Variants in RASGRP2 observed in about 807,000 individuals in gnomAD.
The protein encoded by RASGRP2 is RAS guanyl-releasing protein 2.
In RASGRP2, 44 loss-of-function variants were observed where a neutral mutation model predicts 71.0. The observed-to-expected ratio is 0.62, with a 90% confidence interval of 0.49 to 0.80. The LOEUF is 0.80. RASGRP2 is among the 30% of genes least tolerant of loss of function. RASGRP2 has a pLI of 0.00. For missense variants in RASGRP2, 663 were observed against 813.4 expected, an observed-to-expected ratio of 0.82 and a Z score of 2.25; for synonymous variants, 350 against 330.7, an observed-to-expected ratio of 1.06 and a Z score of -0.63.
At chr11:64,728,443 T>C (rs980180725) in intron 15 of RASGRP2, among the ~76,000 whole-genome samples, 2 of 151,978 alleles carry the variant, frequency 1.3e-5, no homozygotes, top group Non-Finnish European at 1.5e-5. Flanking sequence ...TTTTTTTTTT[T>C]CTGAGACGGA....
In RASGRP2 at chr11:64,740,239, AT is replaced by A. The variant is rs756876562; in HGVS notation, c.372-77del. 20 of 1,577,296 alleles carry A rather than the reference AT, an allele frequency of 1.3e-5. No individual in the cohort carries two copies. The African/African-American group carries it at 2.6e-4, about 20-fold the overall frequency. ...GGCCCCCCACTCACACAGACACACC[AT>A]TCACGCTTACTGAGAACCTACATAA... On this transcript the variant is annotated intron_variant, in intron 5 of 16. Coordinates refer to ENST00000394432, the MANE Select transcript of RASGRP2 (RefSeq NM_001098671.2).
intron 8 of RASGRP2, among the ~76,000 whole-genome samples, chr11:64,738,078 G>A (rs967144935): frequency 2.6e-5 from 4 of 151,958 alleles, no homozygotes; most frequent in Non-Finnish European, 5.9e-5. Flanking sequence ...TGGGGTAGAC[G>A]TACAATAAAA....
At chr11:64,741,377 C>T in intron 4 of RASGRP2, 62 bp downstream of exon 4, 1 of 1,472,458 alleles carries the variant, frequency 6.8e-7, no homozygotes, top group Non-Finnish European at 9.3e-7. Context: ...TCCTCCAGGC[C>T]AGCCTGAAGC....
intron 5 of RASGRP2, chr11:64,740,421 G>A (rs978636969): frequency 1.2e-5 from 8 of 666,808 alleles, no homozygotes; most frequent in African/African-American, 7.1e-5. Context: ...GTAAGACACG[G>A]TTCCTGCCCT....
rs1389186503 is a variant in RASGRP2 at position 64,728,194 on chromosome 11, CT to C, written c.1771+668del. 2.6e-5 allele frequency among the ~76,000 whole-genome samples: 4 copies of C among 152,210 alleles called. No individual in the cohort carries two copies. In the East Asian group the frequency reaches 7.7e-4, roughly 29 times the overall value. On this transcript the variant is annotated intron_variant, in intron 15 of 16. Coordinates refer to ENST00000394432, the MANE Select transcript of RASGRP2 (RefSeq NM_001098671.2). ...GCCAGGACATTATCAGGGCAAGGGA[CT>C]TTCCCCAGAAGAGCCTCCAGAGCAG...
intron 12 of RASGRP2, 60 bp from the exon 13 acceptor site, chr11:64,730,254 C>T (rs2135732424): frequency 6.5e-7 from 1 of 1,546,586 alleles, no homozygotes; most frequent in Admixed American, 2.0e-5. Context: ...CCACCGCTGG[C>T]CTAACCCATC....
intron 12 of RASGRP2, among the ~76,000 whole-genome samples, chr11:64,733,011 G>C (rs1256147555): frequency 6.6e-6 from 1 of 151,734 alleles, no homozygotes; most frequent in Non-Finnish European, 1.5e-5. Context: ...TGTAATCTCA[G>C]CTACTTGGGA....
chr11:64,732,632 T>C (rs891081794), intron 12 of RASGRP2, among the ~76,000 whole-genome samples: 4 of 151,848 alleles, frequency 2.6e-5, no homozygotes, highest in African/African-American at 9.7e-5. Context: ...ATACAAAAAA[T>C]TAGCCGGGCA....
Position 64,743,226 on chromosome 11 carries a change from C to G in RASGRP2, c.-71-289G>C. On this transcript the variant is annotated intron_variant, in intron 1 of 16. Transcript: ENST00000394432. This position sits in a 1 kb window ranked among gnomAD's most constrained non-coding sequence, Gnocchi z 4.9. Reference sequence around the variant, plus strand: ...CAGGACTGGCTGGCGCCCAGCCCCCCGCAGGGCGCCTTCTCCTCGCGCCCT... The same window carrying G: ...CAGGACTGGCTGGCGCCCAGCCCCCGGCAGGGCGCCTTCTCCTCGCGCCCT... The G allele has an allele frequency of 3.9e-6, 2 of 513,496 alleles. No individual in the cohort carries two copies. The highest frequency in any genetic ancestry group is 7.6e-6 in the Non-Finnish European group (2 of 264,758). The allele number at this position is 513,496 out of a possible 1,614,324, so 31.8% of individuals were successfully genotyped here. A position where few individuals can be genotyped will look rare whatever the true frequency, so the allele number is the denominator to read the frequency against.
At position 64,743,919 on chromosome 11, in the gene RASGRP2, C is replaced by T; in HGVS notation, c.-72+84G>A. 1.0e-6 allele frequency: 1 copy of T among 952,880 alleles called. No homozygotes were observed. The highest frequency in any genetic ancestry group is 1.3e-6 in the Non-Finnish European group (1 of 791,102). The allele number at this position is 952,880 out of a possible 1,614,324, so 59.0% of individuals were successfully genotyped here. A position where few individuals can be genotyped will look rare whatever the true frequency, so the allele number is the denominator to read the frequency against. ...CTTACACGCACCGGGCCACAGGCAC[C>T]GGCCTCCCATCCTCCGTCTCTCACA... On this transcript the variant is annotated intron_variant, in intron 1 of 16. Coordinates refer to ENST00000394432, the MANE Select transcript of RASGRP2 (RefSeq NM_001098671.2). The surrounding 1 kb of genome is among the most constrained non-coding windows in gnomAD (Gnocchi z 4.9).
In RASGRP2 at chr11:64,739,438, T is replaced by C. The variant is rs750433727; in HGVS notation, c.735A>G (p.Ala245=). Residue 245 remains alanine, a synonymous_variant, in exon 8 of 17, where the codon GCA becomes GCG. Transcript: ENST00000394432. This position sits in a 1 kb window ranked among gnomAD's most constrained non-coding sequence, Gnocchi z 4.2. ...LQLQNFNTLM[A]VVGGLSHSSI... is the part of the protein sequence containing the mutation. The stretch of plus-strand genomic sequence containing the variant: ...AGCTGTGGCTCAGGCCCCCGACCAC[T>C]GCCATCAGCGTGTTGAAGTTCTGCA... The C allele has an allele frequency of 1.2e-6, 2 of 1,614,132 alleles. No individual in the cohort carries two copies. The highest frequency in any genetic ancestry group is 2.2e-5 in the South Asian group (2 of 91,072).
Position 64,739,215 on chromosome 11 carries a change from C to G in RASGRP2, c.813+145G>C, listed in dbSNP as rs1309499761. On this transcript the variant is annotated intron_variant, in intron 8 of 16. Coordinates refer to ENST00000394432, the MANE Select transcript of RASGRP2 (RefSeq NM_001098671.2). The surrounding 1 kb of genome is among the most constrained non-coding windows in gnomAD (Gnocchi z 4.2). The stretch of plus-strand genomic sequence containing the variant: ...CCCCCACTCTGCTGTTGCCATTGTG[C>G]AAACTGAGAAAAGCACTTAACCCCT... 3 of 702,312 alleles carry G rather than the reference C, an allele frequency of 4.3e-6. No homozygotes were observed. The highest frequency in any genetic ancestry group is 1.8e-5 in the African/African-American group (1 of 56,732). The allele number at this position is 702,312 out of a possible 1,614,324, so 43.5% of individuals were successfully genotyped here. A position where few individuals can be genotyped will look rare whatever the true frequency, so the allele number is the denominator to read the frequency against.
At chr11:64,730,406 T>C (rs1471492299) in intron 12 of RASGRP2, among the ~76,000 whole-genome samples, 1 of 148,814 alleles carries the variant, frequency 6.7e-6, no homozygotes, top group East Asian at 2.2e-4. Flanking sequence ...TCCCTTTCCC[T>C]GGGTTCCTTC....
rs1446862555 is a variant in RASGRP2, at chr11:64,740,078, G to A, written c.457C>T (p.Leu153=). Reference sequence around the variant, plus strand: ...TGCTCCGCCAGCTCCATGGGCTCCAGGTGGTCAAACAACAGGGACATCTTG... The same window carrying A: ...TGCTCCGCCAGCTCCATGGGCTCCAAGTGGTCAAACAACAGGGACATCTTG... The part of the protein sequence containing the change: ...KRKMSLLFDH[L]EPMELAEHLT... The change falls in exon 6 of 17, where the codon CTG becomes TTG. Residue 153 remains leucine, a synonymous_variant. Coordinates refer to ENST00000394432, the MANE Select transcript of RASGRP2 (RefSeq NM_001098671.2). The A allele has an allele frequency of 1.2e-6, 2 of 1,614,168 alleles. No homozygotes were observed. The highest frequency in any genetic ancestry group is 2.2e-5 in the East Asian group (1 of 44,870).
At position 64,742,431 on chromosome 11, in the gene RASGRP2, A is replaced by G; in HGVS notation, c.74-319T>C. ...GGTCATTTCCTGAGCGCTTGGGGGG[A>G]AGGGGCACCCCTTCACCAGATAAGC... On this transcript the variant is annotated intron_variant, in intron 2 of 16. Transcript: ENST00000394432. The surrounding 1 kb of genome is among the most constrained non-coding windows in gnomAD (Gnocchi z 4.7). The G allele has an allele frequency of 1.8e-6, 1 of 559,832 alleles. No individual in the cohort carries two copies. Among genetic ancestry groups the G allele is most frequent in the Non-Finnish European group, 3.2e-6 (1 of 311,142 alleles). 34.7% of individuals were successfully genotyped at this position (559,832 alleles called of 1,614,324 possible).
chr11:64,740,705 A>G, intron 5 of RASGRP2: 1 of 662,584 alleles, frequency 1.5e-6, no homozygotes, highest in Admixed American at 2.1e-5. Flanking sequence ...AGCTCAGCCG[A>G]CGGGGAGCCG....
intron 13 of RASGRP2, 93 bp from the exon 14 acceptor site, chr11:64,729,891 C>G (rs1032492361): frequency 5.7e-6 from 9 of 1,582,086 alleles, no homozygotes; most frequent in Non-Finnish European, 7.8e-6. Flanking sequence ...GCTTTAGAGC[C>G]CGCCTCAGGG....
At chr11:64,727,171 TAAC>T (rs1196525829) in intron 16 of RASGRP2, 40 bp from the exon 17 acceptor site, 2 of 776,756 alleles carry the variant, frequency 2.6e-6, no homozygotes, top group African/African-American at 1.7e-5. Context: ...GACACCCCCC[TAAC>T]AACAAGGTAG....
rs2135803030 is a variant in RASGRP2, at chr11:64,743,073, TA to T, written c.-71-137del. On this transcript the variant is annotated intron_variant, in intron 1 of 16. Transcript: ENST00000394432. This position sits in a 1 kb window ranked among gnomAD's most constrained non-coding sequence, Gnocchi z 4.9. ...TGTCCCCCGCGGCCACTCCCGGGGTTAAACGGTCTGGCCCGGGATGGTGCAA... is the reference window on the plus strand; with the variant it reads ...TGTCCCCCGCGGCCACTCCCGGGGTTAACGGTCTGGCCCGGGATGGTGCAA... 1.0e-6 allele frequency: 1 copy of T among 1,000,778 alleles called. No homozygotes were observed. Among genetic ancestry groups the T allele is most frequent in the African/African-American group, 1.6e-5 (1 of 62,428 alleles). The allele number at this position is 1,000,778 out of a possible 1,614,324, so 62.0% of individuals were successfully genotyped here. A position where few individuals can be genotyped will look rare whatever the true frequency, so the allele number is the denominator to read the frequency against.
Sources: gnomAD v4.1 joint callset for allele counts (sites outside exome capture counted in the v4.1 genomes callset) on GRCh38, gnomAD v4.1.1 for gene constraint, Gnocchi (gnomAD v3.1) non-coding constraint, MANE v1.5 for transcripts, NCBI Gene and HGNC (gene_info 2026-07-23, HGNC 2026-07-21) for gene names.